PPP2R1A: variants seen among roughly 807,000 people sequenced by gnomAD.
PPP2R1A encodes the protein protein phosphatase 2 scaffold subunit Aalpha.
PPP2R1A carries 15 observed loss-of-function variants against 67.1 expected under a neutral mutation model. The observed-to-expected ratio is 0.22, with a 90% CI of 0.15 to 0.34. The LOEUF is 0.34. PPP2R1A is among the 10% of genes least tolerant of loss of function. The pLI, the probability that PPP2R1A is intolerant of heterozygous loss-of-function variation, is 1.00. For synonymous variants in PPP2R1A, 337 were observed against 325.0 expected (o/e 1.04, Z -0.40); for missense variants, 369 against 775.0 (o/e 0.48, Z 6.22).
intron 13 of PPP2R1A, among the ~76,000 whole-genome samples, chr19:52,224,276 TTC>T (rs1387888705): frequency 2.6e-5 from 4 of 152,190 alleles, no homozygotes; most frequent in African/African-American, 9.6e-5. Flanking sequence ...CAGCTTTAGT[TTC>T]TCTCCGAAGT....
At chr19:52,223,833 A>G (rs1021182568) in intron 13 of PPP2R1A, among the ~76,000 whole-genome samples, 6 of 152,218 alleles carry the variant, frequency 3.9e-5, no homozygotes, top group African/African-American at 1.4e-4. Flanking sequence ...GAAGCTTGTT[A>G]TACAAACAGC....
chr19:52,210,690 C>T (rs2089659285), intron 3 of PPP2R1A, among the ~76,000 whole-genome samples: 1 of 152,072 alleles, frequency 6.6e-6, no homozygotes, highest in Non-Finnish European at 1.5e-5. Flanking sequence ...AACGGGGTTT[C>T]ACCATATTGG....
chr19:52,208,369 T>A (rs2089628335), intron 3 of PPP2R1A, among the ~76,000 whole-genome samples: 1 of 151,788 alleles, frequency 6.6e-6, no homozygotes, highest in Non-Finnish European at 1.5e-5. Context: ...GGGTTTCACT[T>A]TGTTGGTCAG....
In PPP2R1A at chr19:52,220,977, A is replaced by G. The variant is rs779852792; in HGVS notation, c.1364-2A>G. 1 of 1,614,134 alleles carries G rather than the reference A, an allele frequency of 6.2e-7. No homozygotes were observed. Among genetic ancestry groups the G allele is most frequent in the Non-Finnish European group, 8.5e-7 (1 of 1,179,978 alleles). On this transcript the variant is annotated splice_acceptor_variant, in intron 11 of 14. Transcript: ENST00000322088. LOFTEE classifies it high-confidence loss of function. Reference sequence around the variant, plus strand: ...GTCTCTCTCACCCTCACCCTTCTGCAGTATATGCCATCCGCGAGGCAGCCA... The same window carrying G: ...GTCTCTCTCACCCTCACCCTTCTGCGGTATATGCCATCCGCGAGGCAGCCA...
chr19:52,210,479 C>G (rs140780201), intron 3 of PPP2R1A, among the ~76,000 whole-genome samples: 3,091 of 146,216 alleles, frequency 0.021, 108 homozygotes, highest in African/African-American at 0.074. Context: ...CCTCAGTTTT[C>G]TCTTCTTTTT....
At chr19:52,195,225 A>G (rs2089487574) in intron 1 of PPP2R1A, among the ~76,000 whole-genome samples, 1 of 152,140 alleles carries the variant, frequency 6.6e-6, no homozygotes. Context: ...TTAACTCACC[A>G]CAGAGCAGGC....
intron 1 of PPP2R1A, among the ~76,000 whole-genome samples, chr19:52,200,003 G>A (rs368811659): frequency 3.9e-5 from 6 of 152,196 alleles, no homozygotes; most frequent in Middle Eastern, 3.2e-3. Flanking sequence ...GATGCTCATC[G>A]TCTGTGATCG....
rs1978555393 is a variant in PPP2R1A, at chr19:52,216,134, G to A, written c.993+60G>A. 1.3e-6 allele frequency: 2 copies of A among 1,547,192 alleles called. No individual in the cohort carries two copies. The highest frequency in any genetic ancestry group is 1.8e-6 in the Non-Finnish European group (2 of 1,120,194). Reference sequence around the variant, plus strand: ...TCCGAGCCTGCCAAAAAGAGGGGCTGGAGACAAGGCTTTGGGGATAGTCAG... The same window carrying A: ...TCCGAGCCTGCCAAAAAGAGGGGCTAGAGACAAGGCTTTGGGGATAGTCAG... On this transcript the variant is annotated intron_variant, in intron 8 of 14. Transcript: ENST00000322088. The surrounding 1 kb of genome is among the most constrained non-coding windows in gnomAD (Gnocchi z 4.3).
chr19:52,190,851 G>T (rs1461460838), intron 1 of PPP2R1A, among the ~76,000 whole-genome samples: 2 of 152,146 alleles, frequency 1.3e-5, no homozygotes, highest in Non-Finnish European at 2.9e-5. Context: ...CTAAGCAGAT[G>T]AACATTTATT....
intron 1 of PPP2R1A, among the ~76,000 whole-genome samples, chr19:52,193,533 A>G (rs2089472035): frequency 6.6e-6 from 1 of 152,190 alleles, no homozygotes; most frequent in South Asian, 2.1e-4. Flanking sequence ...ATTGCTAAGA[A>G]GAAAAATTGC....
chr19:52,192,615 G>T (rs1056132293), intron 1 of PPP2R1A, among the ~76,000 whole-genome samples: 4 of 152,002 alleles, frequency 2.6e-5, no homozygotes, highest in African/African-American at 9.7e-5. Flanking sequence ...TGCCCGGCCA[G>T]TTTTTTGTTT....
At chr19:52,195,797 C>T (rs2089492074) in intron 1 of PPP2R1A, among the ~76,000 whole-genome samples, 1 of 152,092 alleles carries the variant, frequency 6.6e-6, no homozygotes, top group African/African-American at 2.4e-5. Flanking sequence ...GGTGCACCAC[C>T]CTCCAGGAAC....
rs1018726842 is a variant in PPP2R1A, at chr19:52,211,900, C to T, written c.503+408C>T. ...CCACCTCAGTTTTCAGCCTCCTGCT[C>T]GTCTACTTTGCAAACGATTGACCGT... On this transcript the variant is annotated intron_variant, in intron 4 of 14. Coordinates refer to ENST00000322088, the MANE Select transcript of PPP2R1A (RefSeq NM_014225.6). The surrounding 1 kb of genome is among the most constrained non-coding windows in gnomAD (Gnocchi z 5.3). 8.5e-5 allele frequency among the ~76,000 whole-genome samples: 13 copies of T among 152,226 alleles called. No individual in the cohort carries two copies. The highest frequency in any genetic ancestry group is 1.9e-4 in the East Asian group (1 of 5,204).
chr19:52,211,592 C>A lies in PPP2R1A; in HGVS notation c.503+100C>A. 8.1e-7 allele frequency: 1 copy of A among 1,240,690 alleles called. No homozygotes were observed. The highest frequency in any genetic ancestry group is 1.1e-6 in the Non-Finnish European group (1 of 897,700). The allele number at this position is 1,240,690 out of a possible 1,614,324, so 76.9% of individuals were successfully genotyped here. On this transcript the variant is annotated intron_variant, in intron 4 of 14. Transcript: ENST00000322088. The surrounding 1 kb of genome is among the most constrained non-coding windows in gnomAD (Gnocchi z 5.3). ...TGGTCTAGCTGGGGCCCAAATGCCC[C>A]TGAACTCTCTCCACTCCCACTCCTG...
Position 52,219,339 on chromosome 19 carries a change from A to G in PPP2R1A, c.1129-352A>G, listed in dbSNP as rs1164364690. Among the ~76,000 whole-genome samples the G allele has an allele frequency of 2.0e-5, 3 of 152,200 alleles. No individual in the cohort carries two copies. The highest frequency in any genetic ancestry group is 7.2e-5 in the African/African-American group (3 of 41,448). Reference sequence around the variant, plus strand: ...CCCTTCTCCCATGTTGTGGATTGATACCCAGAAAGGAACCCTTGTTAGCAA... The same window carrying G: ...CCCTTCTCCCATGTTGTGGATTGATGCCCAGAAAGGAACCCTTGTTAGCAA... On this transcript the variant is annotated intron_variant, in intron 9 of 14. Transcript: ENST00000322088. This position sits in a 1 kb window ranked among gnomAD's most constrained non-coding sequence, Gnocchi z 4.0.
At chr19:52,220,842 T>C (rs4802905) in intron 11 of PPP2R1A, 137 bp from the exon 12 acceptor site, 147,985 of 1,031,006 alleles carry the variant, frequency 0.14, 13,322 homozygotes, top group East Asian at 0.35. Context: ...TAGTAAGTCC[T>C]TTTTTCTCTC....
Position 52,221,118 on chromosome 19 carries a change from G to C in PPP2R1A, c.1503G>C (p.Thr501=). 1 of 1,614,168 alleles carries C rather than the reference G, an allele frequency of 6.2e-7. No individual in the cohort carries two copies. Residue 501 remains threonine, a synonymous_variant, in exon 12 of 15, where the codon ACG becomes ACC. Transcript: ENST00000322088. The part of the protein sequence containing the change: ...GDPNYLHRMT[T]LFCINVLSEV... ...CCAACTACCTGCACCGCATGACTAC[G>C]CTCTTCTGCATCAATGTGAGCCTTC...
Position 52,221,152 on chromosome 19 carries a change from T to G in PPP2R1A, c.1518+19T>G, listed in dbSNP as rs1978901621. On this transcript the variant is annotated intron_variant, in intron 12 of 14. Transcript: ENST00000322088. ...CATCAATGTGAGCCTTCCACCTGCC[T>G]GCTGGCCCATCCCTAGGGAACTGGA... is the stretch of plus-strand genomic sequence containing the variant. 1 of 1,613,906 alleles carries G rather than the reference T, an allele frequency of 6.2e-7. No individual in the cohort carries two copies. Among genetic ancestry groups the G allele is most frequent in the African/African-American group, 1.3e-5 (1 of 74,948 alleles).
Position 52,216,948 on chromosome 19 carries a change from G to A in PPP2R1A, c.1128+285G>A, listed in dbSNP as rs1263624745. Among the ~76,000 whole-genome samples, 1 of 152,136 alleles carries A rather than the reference G, an allele frequency of 6.6e-6. No homozygotes were observed. The highest frequency in any genetic ancestry group is 1.5e-5 in the Non-Finnish European group (1 of 68,018). Reference sequence around the variant, plus strand: ...CTCACGCCTGTAATCCCAGCACTTTGGGAGGCTGAGGCGGGTGGATCACCT... The same window carrying A: ...CTCACGCCTGTAATCCCAGCACTTTAGGAGGCTGAGGCGGGTGGATCACCT... On this transcript the variant is annotated intron_variant, in intron 9 of 14. Coordinates refer to ENST00000322088, the MANE Select transcript of PPP2R1A (RefSeq NM_014225.6). The surrounding 1 kb of genome is among the most constrained non-coding windows in gnomAD (Gnocchi z 4.3).
Sources: gnomAD v4.1 joint callset for allele counts (sites outside exome capture counted in the v4.1 genomes callset) on GRCh38, gnomAD v4.1.1 for gene constraint, Gnocchi (gnomAD v3.1) non-coding constraint, MANE v1.5 for transcripts, NCBI Gene and HGNC (gene_info 2026-07-23, HGNC 2026-07-21) for gene names.